The following CPSF2 variants were observed in gnomAD, a reference collection of about 807,000 sequenced individuals.
CPSF2 encodes cleavage and polyadenylation specificity factor subunit 2.
CPSF2 carries 51 observed loss-of-function variants against 84.2 expected under a neutral mutation model. The observed-to-expected ratio is 0.61, with a 90% CI of 0.48 to 0.77. The LOEUF is 0.77. Among genes scored for constraint, CPSF2 ranks in the 30% least tolerant of loss-of-function variants. The probability of loss-of-function intolerance (pLI) is 0.00; values close to 1 mark genes in which losing one functional copy is unlikely to be tolerated. For synonymous variants in CPSF2, 286 were observed against 311.9 expected (o/e 0.92, Z 0.87); for missense variants, 641 against 929.4 (o/e 0.69, Z 4.03).
intron 9 of CPSF2, among the ~76,000 whole-genome samples, chr14:92,146,440 G>A (rs1020166650): frequency 1.3e-5 from 2 of 152,162 alleles, no homozygotes; most frequent in Non-Finnish European, 2.9e-5. Flanking sequence ...AGAATCGCTT[G>A]AACCTGAGAG....
intron 9 of CPSF2, among the ~76,000 whole-genome samples, chr14:92,151,675 A>G (rs1187398573): frequency 6.6e-6 from 1 of 152,210 alleles, no homozygotes. Context: ...GACTGAATGG[A>G]GAAGCAAATG....
intron 10 of CPSF2, 32 bp downstream of exon 10, chr14:92,154,490 T>G: frequency 1.4e-6 from 2 of 1,423,168 alleles, no homozygotes; most frequent in Non-Finnish European, 1.9e-6. Flanking sequence ...TATAAATTTA[T>G]GGATGCAATT....
chr14:92,135,688 A>T (rs1204860877), intron 6 of CPSF2, among the ~76,000 whole-genome samples, 192 bp downstream of exon 6: 2 of 152,198 alleles, frequency 1.3e-5, no homozygotes, highest in Non-Finnish European at 2.9e-5. Context: ...GACATAAGAG[A>T]TTTTAAAAAT....
chr14:92,124,560 G>C (rs533047223), intron 1 of CPSF2, among the ~76,000 whole-genome samples: 1 of 152,226 alleles, frequency 6.6e-6, no homozygotes, highest in African/African-American at 2.4e-5. Context: ...AACATAGGAT[G>C]GTGCCAACCT....
At chr14:92,134,937 T>C (rs1191321306) in intron 5 of CPSF2, among the ~76,000 whole-genome samples, 2 of 152,216 alleles carry the variant, frequency 1.3e-5, no homozygotes, top group African/African-American at 4.8e-5. Flanking sequence ...GTTTTGCTTC[T>C]AGTTAATTTT....
chr14:92,127,869 T>A lies in CPSF2; in HGVS notation c.-35+1689T>A, dbSNP rs186131417. On this transcript the variant is annotated intron_variant, in intron 2 of 15. Coordinates refer to ENST00000298875, the MANE Select transcript of CPSF2 (RefSeq NM_017437.3). Reference sequence around the variant, plus strand: ...GATGTAGTATCTGGAAAATGAGAAATTATTGTCTAATTTTATTTTCTGATT... The same window carrying A: ...GATGTAGTATCTGGAAAATGAGAAAATATTGTCTAATTTTATTTTCTGATT... Among the ~76,000 whole-genome samples, 136 of 152,194 alleles carry A rather than the reference T, an allele frequency of 8.9e-4. No homozygotes were observed. In the Middle Eastern group the frequency reaches 0.014, roughly 15 times the overall value.
chr14:92,135,604 C>A, intron 6 of CPSF2, 108 bp downstream of exon 6: 3 of 1,093,090 alleles, frequency 2.7e-6, no homozygotes, highest in Non-Finnish European at 2.6e-6. Flanking sequence ...AAATTTAGAG[C>A]AACTTAAAAC....
At position 92,157,689 on chromosome 14, in the gene CPSF2, A is replaced by G. The variant is rs781086519; in HGVS notation, c.1626A>G (p.Gly542=). 5 of 1,614,022 alleles carry G rather than the reference A, an allele frequency of 3.1e-6. No homozygotes were observed. The highest frequency in any genetic ancestry group is 4.2e-6 in the Non-Finnish European group (5 of 1,179,906). Residue 542 remains glycine (G), a synonymous_variant, in exon 13 of 16, where the codon GGA becomes GGG. Coordinates refer to ENST00000298875, the MANE Select transcript of CPSF2 (RefSeq NM_017437.3). The surrounding 1 kb of genome is among the most constrained non-coding windows in gnomAD (Gnocchi z 4.0). The part of the protein sequence containing the change: ...KARVTYIDYE[G]RSDGDSIKKI... The stretch of plus-strand genomic sequence containing the variant: ...GGGTTACCTACATAGACTATGAAGG[A>G]CGCTCTGATGGGGATTCCATTAAAA...
chr14:92,155,186 T>C lies in CPSF2; in HGVS notation c.1305T>C (p.His435=), dbSNP rs2069272853. Residue 435 remains histidine (H), a synonymous_variant, in exon 11 of 16, where the codon CAT becomes CAC. Transcript: ENST00000298875. ...AAGATATTGACCAGCCATCAGCTCA[T>C]AAGACGAAGCATGACTTGATGATGA... is the stretch of plus-strand genomic sequence containing the variant. ...IEEDIDQPSA[H]KTKHDLMMKG... The C allele has an allele frequency of 6.2e-7, 1 of 1,613,964 alleles. No individual in the cohort carries two copies. The highest frequency in any genetic ancestry group is 8.5e-7 in the Non-Finnish European group (1 of 1,179,994).
At chr14:92,134,801 G>A (rs966723908) in intron 5 of CPSF2, among the ~76,000 whole-genome samples, 1 of 152,088 alleles carries the variant, frequency 6.6e-6, no homozygotes, top group Non-Finnish European at 1.5e-5. Context: ...CCTATACTAA[G>A]TCTATATTTA....
At position 92,166,241 on chromosome 14, in the gene CPSF2, A is replaced by G. The variant is rs1271083494; in HGVS notation, c.*4497A>G. 2 of 151,960 alleles carry G rather than the reference A, an allele frequency of 1.3e-5. No homozygotes were observed. Among genetic ancestry groups the G allele is most frequent in the Non-Finnish European group, 1.5e-5 (1 of 67,984 alleles). The allele number at this position is 151,960 out of a possible 1,614,324, so 9.4% of individuals were successfully genotyped here. ...TTAATTTTTTTCTATCTAAAAAACCATTGCTTCATCTAAAGTCATGAAGAT... is the reference window on the plus strand; with the variant it reads ...TTAATTTTTTTCTATCTAAAAAACCGTTGCTTCATCTAAAGTCATGAAGAT... On this transcript the variant is annotated 3_prime_UTR_variant, in exon 16 of 16. Transcript: ENST00000298875.
At position 92,170,591 on chromosome 14, in the gene CPSF2, A is replaced by AT. The variant is rs2069505790; in HGVS notation, c.*8851dup. On this transcript the variant is annotated 3_prime_UTR_variant, in exon 16 of 16. Coordinates refer to ENST00000298875, the MANE Select transcript of CPSF2 (RefSeq NM_017437.3). ...CAGGATGAAGCACGCATTTAGTTAC[A>AT]TTTTCCCTTTAGTCTTCCTCAATCT... is the stretch of plus-strand genomic sequence containing the variant. 1 of 152,074 alleles carries AT rather than the reference A, an allele frequency of 6.6e-6. No homozygotes were observed. Among genetic ancestry groups the AT allele is most frequent in the Non-Finnish European group, 1.5e-5 (1 of 68,016 alleles). The allele number at this position is 152,074 out of a possible 1,614,324, so 9.4% of individuals were successfully genotyped here. A position where few individuals can be genotyped will look rare whatever the true frequency, so the allele number is the denominator to read the frequency against.
At chr14:92,139,504 A>G (rs1023277689) in intron 7 of CPSF2, among the ~76,000 whole-genome samples, 1 of 150,340 alleles carries the variant, frequency 6.7e-6, no homozygotes, top group Admixed American at 6.6e-5. Context: ...ACACTTTAAT[A>G]TAGTAGGCCA....
chr14:92,157,832 T>C lies in CPSF2; in HGVS notation c.1769T>C (p.Met590Thr). ...AFGGKDIKVY[M>T]PKLHETVDAT... The stretch of plus-strand genomic sequence containing the variant: ...GGTGGGAAAGATATTAAAGTGTACA[T>C]GCCAAAGCTACATGAAACAGTTGAT... The change falls in exon 13 of 16, where the codon ATG becomes ACG. Residue 590 changes from methionine (M) to threonine (T), a missense_variant. Transcript: ENST00000298875. The surrounding 1 kb of genome is among the most constrained non-coding windows in gnomAD (Gnocchi z 4.0). 6.2e-7 allele frequency: 1 copy of C among 1,614,188 alleles called. No individual in the cohort carries two copies. The highest frequency in any genetic ancestry group is 8.5e-7 in the Non-Finnish European group (1 of 1,180,022).
intron 3 of CPSF2, among the ~76,000 whole-genome samples, chr14:92,132,220 C>G (rs905635515): frequency 6.6e-6 from 1 of 151,876 alleles, no homozygotes; most frequent in East Asian, 2.0e-4. Context: ...CTGCAACTTC[C>G]GCCTCCAGGG....
At position 92,161,865 on chromosome 14, in the gene CPSF2, A is replaced by G. The variant is rs1356818574; in HGVS notation, c.*121A>G. 2 of 598,454 alleles carry G rather than the reference A, an allele frequency of 3.3e-6. No individual in the cohort carries two copies. The highest frequency in any genetic ancestry group is 2.0e-5 in the African/African-American group (1 of 50,714). The allele number at this position is 598,454 out of a possible 1,614,324, so 37.1% of individuals were successfully genotyped here. The stretch of plus-strand genomic sequence containing the variant: ...AAAAGAATCTGCCAGAAAAACTTAC[A>G]TGTATCAGATTTTTAAAAATATAAA... On this transcript the variant is annotated 3_prime_UTR_variant, in exon 16 of 16. Coordinates refer to ENST00000298875, the MANE Select transcript of CPSF2 (RefSeq NM_017437.3).
At chr14:92,159,369 A>T in intron 14 of CPSF2, 87 bp downstream of exon 14, 1 of 1,033,914 alleles carries the variant, frequency 9.7e-7, no homozygotes, top group Non-Finnish European at 1.4e-6. Context: ...CCCCCCTTCT[A>T]AAACTAAGTG....
intron 14 of CPSF2, 145 bp from the exon 15 acceptor site, chr14:92,160,967 T>C: frequency 1.4e-6 from 1 of 695,760 alleles, no homozygotes; most frequent in Admixed American, 3.7e-5. Context: ...GGAATGTGAT[T>C]TACAGTCTTG....
intron 7 of CPSF2, among the ~76,000 whole-genome samples, chr14:92,140,547 C>G (rs1429332370): frequency 6.6e-6 from 1 of 151,532 alleles, no homozygotes; most frequent in African/African-American, 2.4e-5. Flanking sequence ...GTTCTCCTGC[C>G]TCAGCCTCCC....
Sources: allele counts gnomAD v4.1 joint callset (sites outside exome capture counted in the v4.1 genomes callset), GRCh38; gene constraint gnomAD v4.1.1; non-coding constraint Gnocchi (gnomAD v3.1); transcripts MANE v1.5; gene names NCBI Gene and HGNC (gene_info 2026-07-23, HGNC 2026-07-21).